The following C10orf67 variants were observed in gnomAD, a reference collection of about 807,000 sequenced individuals.
C10orf67 encodes uncharacterized protein C10orf67, mitochondrial.
A neutral mutation model predicts 35.6 loss-of-function variants in C10orf67; 60 were observed. The ratio of observed to expected loss-of-function variants is 1.68; its 90% CI spans 1.37 to 2.09. The LOEUF (loss-of-function observed/expected upper bound fraction) is 2.09. C10orf67 is among the 30% of genes most tolerant of loss of function. The pLI, the probability that C10orf67 is intolerant of heterozygous loss-of-function variation, is 0.00. For missense variants in C10orf67, 474 were observed against 330.2 expected, an observed-to-expected ratio of 1.44 and a Z score of -3.38; for synonymous variants, 167 against 115.8, an observed-to-expected ratio of 1.44 and a Z score of -2.84.
At chr10:23,297,430 A>G (rs1448290136) in intron 5 of C10orf67, among the ~76,000 whole-genome samples, 2 of 152,154 alleles carry the variant, frequency 1.3e-5, no homozygotes, top group Non-Finnish European at 2.9e-5. Context: ...CTAGGTAAGC[A>G]TACTACTCTG....
At chr10:23,247,185 G>T (rs937116467) in intron 12 of C10orf67, among the ~76,000 whole-genome samples, 4 of 151,880 alleles carry the variant, frequency 2.6e-5, no homozygotes, top group Non-Finnish European at 5.9e-5. Context: ...AAAATCTACA[G>T]TAGTGTATGG....
intron 5 of C10orf67, among the ~76,000 whole-genome samples, chr10:23,301,938 C>T (rs966902544): frequency 6.6e-5 from 10 of 152,278 alleles, no homozygotes; most frequent in Middle Eastern, 3.4e-3. Context: ...CAATGGGCGC[C>T]CCGCTGGATC....
chr10:23,307,865 T>C (rs910659458), intron 4 of C10orf67, among the ~76,000 whole-genome samples: 2 of 152,156 alleles, frequency 1.3e-5, no homozygotes, highest in African/African-American at 2.4e-5. Flanking sequence ...GGGATCCGCC[T>C]GCCTCAGCCT....
intron 2 of C10orf67, among the ~76,000 whole-genome samples, chr10:23,326,836 G>A (rs528057888): frequency 5.9e-5 from 9 of 152,038 alleles, no homozygotes; most frequent in South Asian, 2.1e-4. Flanking sequence ...AAAATTAAGC[G>A]CAGAAAGAAG....
At chr10:23,220,768 G>T (rs529467835) in intron 15 of C10orf67, among the ~76,000 whole-genome samples, 75 of 152,314 alleles carry the variant, frequency 4.9e-4, no homozygotes, top group African/African-American at 1.8e-3. Flanking sequence ...AAGTAAAAAC[G>T]TGAAAGGCAT....
intron 13 of C10orf67, among the ~76,000 whole-genome samples, chr10:23,236,252 G>GTAA (rs1842046820): frequency 1.2e-5 from 1 of 81,550 alleles, no homozygotes; most frequent in African/African-American, 1.0e-4. Flanking sequence ...CCCTCTCGGG[G>GTAA]GAAAAAAAAA....
intron 13 of C10orf67, among the ~76,000 whole-genome samples, chr10:23,239,441 T>C (rs554963451): frequency 2.0e-5 from 3 of 152,330 alleles, no homozygotes; most frequent in South Asian, 2.1e-4. Context: ...CTGACAGATA[T>C]GCTCCAGGCA....
At chr10:23,224,228 A>G (rs7095341) in intron 13 of C10orf67, among the ~76,000 whole-genome samples, 60,122 of 152,056 alleles carry the variant, frequency 0.4, 15,104 homozygotes, top group East Asian at 0.74. Context: ...AGCAATATTC[A>G]CTGTTCTGCA....
chr10:23,305,107 T>A (rs932777335), intron 4 of C10orf67, among the ~76,000 whole-genome samples: 6 of 152,090 alleles, frequency 3.9e-5, no homozygotes, highest in African/African-American at 1.4e-4. Flanking sequence ...CTCATCCAAA[T>A]GCACAAACAC....
At chr10:23,310,494 A>G (rs1350767845) in intron 4 of C10orf67, among the ~76,000 whole-genome samples, 5 of 152,250 alleles carry the variant, frequency 3.3e-5, no homozygotes, top group Admixed American at 6.5e-5. Context: ...TTTGGTTCCC[A>G]GGAGGGTCCA....
intron 10 of C10orf67, among the ~76,000 whole-genome samples, chr10:23,257,234 C>G (rs1464320583): frequency 6.6e-6 from 1 of 152,096 alleles, no homozygotes; most frequent in East Asian, 1.9e-4. Context: ...GGAAGAGGGG[C>G]AAGAATGCTG....
At chr10:23,336,522 G>A (rs1182100461) in intron 1 of C10orf67, among the ~76,000 whole-genome samples, 1 of 152,008 alleles carries the variant, frequency 6.6e-6, no homozygotes, top group Non-Finnish European at 1.5e-5. Context: ...TTTTGTTTCA[G>A]TATATTTTTT....
chr10:23,278,476 T>C (rs113218247), intron 8 of C10orf67, among the ~76,000 whole-genome samples: 192 of 152,352 alleles, frequency 1.3e-3, no homozygotes, highest in African/African-American at 4.5e-3. Flanking sequence ...CAAATATTTA[T>C]TGGCCATCTA....
chr10:23,318,438 G>C (rs1446403772), intron 4 of C10orf67: 1 of 155,770 alleles, frequency 6.4e-6, no homozygotes, highest in Non-Finnish European at 1.4e-5. Flanking sequence ...AATGTAGAGG[G>C]GAAACATTCA....
At chr10:23,324,063 C>T (rs185175558) in intron 2 of C10orf67, among the ~76,000 whole-genome samples, 116 of 149,574 alleles carry the variant, frequency 7.8e-4, no homozygotes, top group Non-Finnish European at 2.8e-4. Flanking sequence ...TGAGCTCTCT[C>T]TGCTCACCTC....
At position 23,328,137 on chromosome 10, in the gene C10orf67, T is replaced by C. The variant is rs78418653; in HGVS notation, c.327+4925A>G. ...GCTAAAAATGTAGTTAGTGGGAAAT[T>C]TGTAGTTTTAACTGCCTATAAAAGA... On this transcript the variant is annotated intron_variant, in intron 2 of 15. Transcript: ENST00000636213. 1.0e-3 allele frequency among the ~76,000 whole-genome samples: 152 copies of C among 152,226 alleles called. 1 individual carries two copies. Among genetic ancestry groups the C allele is most frequent in the East Asian group, 3.7e-3 (19 of 5,188 alleles).
intron 15 of C10orf67, among the ~76,000 whole-genome samples, chr10:23,220,075 G>A (rs184388129): frequency 6.6e-5 from 10 of 152,198 alleles, no homozygotes; most frequent in African/African-American, 2.4e-4. Flanking sequence ...AGAAGGCTGA[G>A]GCAGGAGGAT....
intron 2 of C10orf67, 55 bp downstream of exon 2, chr10:23,333,007 A>T: frequency 6.4e-7 from 1 of 1,550,988 alleles, no homozygotes; most frequent in Non-Finnish European, 8.8e-7. Context: ...AAGAAACATG[A>T]AGGCAATTAA....
At chr10:23,274,583 C>G (rs1843127991) in intron 8 of C10orf67, among the ~76,000 whole-genome samples, 1 of 152,174 alleles carries the variant, frequency 6.6e-6, no homozygotes, top group Admixed American at 6.5e-5. Context: ...CCCGACCCCG[C>G]AGGCTGTCAG....
Sources: allele counts gnomAD v4.1 joint callset (sites outside exome capture counted in the v4.1 genomes callset), GRCh38; gene constraint gnomAD v4.1.1; transcripts MANE v1.5; gene names NCBI Gene and HGNC (gene_info 2026-07-23, HGNC 2026-07-21).